The following BFSP1 variants were observed in gnomAD, a reference collection of about 807,000 sequenced individuals.
BFSP1 encodes the protein filensin.
Under a neutral mutation model 43.9 loss-of-function variants are expected in BFSP1, and 38 were observed. The ratio of observed to expected loss-of-function variants is 0.87; its 90% CI spans 0.67 to 1.14. The LOEUF (loss-of-function observed/expected upper bound fraction) is 1.14, where lower values mean the gene tolerates loss of function less well. Among genes scored for constraint, BFSP1 ranks in the 50% most tolerant of loss-of-function variants. The pLI, the probability that BFSP1 is intolerant of heterozygous loss-of-function variation, is 0.00. For missense variants in BFSP1, 850 were observed against 875.1 expected (o/e 0.97, Z 0.36); for synonymous variants, 352 against 354.8 (o/e 0.99, Z 0.09).
chr20:17,566,723 C>T (rs540759865), intron 1 of BFSP1, among the ~76,000 whole-genome samples: 2 of 152,178 alleles, frequency 1.3e-5, no homozygotes, highest in East Asian at 3.9e-4. Context: ...GGCACGATCT[C>T]AGCTCACTGC....
chr20:17,545,723 A>G (rs1209466826), intron 1 of BFSP1, among the ~76,000 whole-genome samples: 1 of 152,262 alleles, frequency 6.6e-6, no homozygotes, highest in African/African-American at 2.4e-5. Context: ...CCCAATACCA[A>G]TAACAAGATA....
In BFSP1 at chr20:17,493,966, G is replaced by T; in HGVS notation, c.*108C>A. 6.4e-6 allele frequency: 7 copies of T among 1,098,524 alleles called. No homozygotes were observed. The highest frequency in any genetic ancestry group is 7.9e-6 in the Non-Finnish European group (6 of 764,286). The allele number at this position is 1,098,524 out of a possible 1,614,324, so 68.0% of individuals were successfully genotyped here. On this transcript the variant is annotated 3_prime_UTR_variant, in exon 8 of 8. Coordinates refer to ENST00000377873, the MANE Select transcript of BFSP1 (RefSeq NM_001195.5). ...GGCAATGCCAGATGGGTCAACTATG[G>T]TCTAATCCAAACAGGAACCCTCACC... is the stretch of plus-strand genomic sequence containing the variant.
chr20:17,507,301 G>A lies in BFSP1; in HGVS notation c.735+1588C>T, dbSNP rs1346813136. On this transcript the variant is annotated intron_variant, in intron 5 of 7. Coordinates refer to ENST00000377873, the MANE Select transcript of BFSP1 (RefSeq NM_001195.5). This position sits in a 1 kb window ranked among gnomAD's most constrained non-coding sequence, Gnocchi z 4.4. ...TGTGTGTGTGTGTGTGTGTGTGTGT[G>A]TGTGTATTTCAACATATCCATATGG... Among the ~76,000 whole-genome samples the A allele has an allele frequency of 6.6e-6, 1 of 150,928 alleles. No homozygotes were observed. Among genetic ancestry groups the A allele is most frequent in the Non-Finnish European group, 1.5e-5 (1 of 67,952 alleles).
At chr20:17,567,338 C>T (rs2035130849) in intron 1 of BFSP1, among the ~76,000 whole-genome samples, 1 of 152,206 alleles carries the variant, frequency 6.6e-6, no homozygotes, top group South Asian at 2.1e-4. Context: ...CCAGTTCATA[C>T]ATACGCATCT....
chr20:17,557,559 C>T (rs531714042), intron 1 of BFSP1, among the ~76,000 whole-genome samples: 3 of 152,288 alleles, frequency 2.0e-5, no homozygotes, highest in Admixed American at 6.5e-5. Context: ...GGAGGGTTGC[C>T]GGCATGACCC....
chr20:17,531,883 A>G (rs2034551602), upstream of BFSP1, among the ~76,000 whole-genome samples: 1 of 149,390 alleles, frequency 6.7e-6, no homozygotes, highest in African/African-American at 2.5e-5. Flanking sequence ...ATTCTTTTTC[A>G]TAATCATAAC....
chr20:17,531,045 G>C lies in BFSP1; in HGVS notation c.285C>G (p.Asn95Lys). ...EDALARQVESNRQRVRDLEAE... is the reference protein window; with the variant it reads ...EDALARQVESKRQRVRDLEAE... ...CCTCCAGGTCCCGGACGCGCTGGCG[G>C]TTGCTCTCGACTTGGCGGGCGAGGG... Residue 95 changes from asparagine (N) to lysine (K), a missense_variant, in exon 1 of 8, where the codon AAC (asparagine) becomes AAG (lysine). Transcript: ENST00000377873. 1 of 1,420,578 alleles carries C rather than the reference G, an allele frequency of 7.0e-7. No homozygotes were observed. The highest frequency in any genetic ancestry group is 9.2e-7 in the Non-Finnish European group (1 of 1,090,568). The allele number at this position is 1,420,578 out of a possible 1,614,324, so 88.0% of individuals were successfully genotyped here. A position where few individuals can be genotyped will look rare whatever the true frequency, so the allele number is the denominator to read the frequency against.
In BFSP1 at chr20:17,515,041, C is replaced by T. The variant is rs79084462; in HGVS notation, c.439-225G>A. On this transcript the variant is annotated intron_variant, in intron 2 of 7. Coordinates refer to ENST00000377873, the MANE Select transcript of BFSP1 (RefSeq NM_001195.5). ...CTCAACAGAGGGTGATTTTGCCCCC[C>T]AAGGGGACATTTGGCAGTGTCTAGA... is the stretch of plus-strand genomic sequence containing the variant. 0.071 allele frequency among the ~76,000 whole-genome samples: 10,846 copies of T among 152,210 alleles called. 681 individuals are homozygous for T. The highest frequency in any genetic ancestry group is 0.16 in the African/African-American group (6,829 of 41,500).
intron 2 of BFSP1, among the ~76,000 whole-genome samples, chr20:17,524,553 G>A (rs2034379800): frequency 6.6e-6 from 1 of 152,206 alleles, no homozygotes; most frequent in Non-Finnish European, 1.5e-5. Context: ...GCATCAGTAT[G>A]TCTGACAAGT....
chr20:17,496,791 A>G (rs1600628610), intron 7 of BFSP1, 147 bp downstream of exon 7: 2 of 592,016 alleles, frequency 3.4e-6, no homozygotes, highest in Non-Finnish European at 5.3e-6. Context: ...CAGAGAGGGC[A>G]GAGGGTGGGA....
chr20:17,512,168 C>G, intron 3 of BFSP1, 100 bp from the exon 4 acceptor site: 1 of 896,980 alleles, frequency 1.1e-6, no homozygotes, highest in East Asian at 2.6e-5. Context: ...CGCACGCTCC[C>G]TCATCACAGA....
At chr20:17,556,584 G>A (rs185677667) in intron 1 of BFSP1, among the ~76,000 whole-genome samples, 36 of 152,130 alleles carry the variant, frequency 2.4e-4, no homozygotes, top group Admixed American at 7.2e-4. Flanking sequence ...TCTATCTATC[G>A]TGTGTGTAAA....
At chr20:17,506,052 G>A (rs1223588659) in intron 5 of BFSP1, among the ~76,000 whole-genome samples, 2 of 152,194 alleles carry the variant, frequency 1.3e-5, no homozygotes, top group South Asian at 2.1e-4. Flanking sequence ...TCAGAGAAAC[G>A]TGTAAGTCCA....
At chr20:17,558,446 C>T (rs1379086967) in intron 1 of BFSP1, among the ~76,000 whole-genome samples, 1 of 152,160 alleles carries the variant, frequency 6.6e-6, no homozygotes, top group Non-Finnish European at 1.5e-5. Context: ...TGGAGCCACA[C>T]TTTATTTACC....
chr20:17,559,363 C>T (rs187601163), upstream of BFSP1, among the ~76,000 whole-genome samples: 1 of 152,196 alleles, frequency 6.6e-6, no homozygotes, highest in African/African-American at 2.4e-5. Context: ...GGATACTTCA[C>T]GAATTGCTAA....
chr20:17,553,739 T>C (rs1170740296), intron 1 of BFSP1, among the ~76,000 whole-genome samples: 2 of 148,094 alleles, frequency 1.4e-5, no homozygotes, highest in Non-Finnish European at 3.0e-5. Flanking sequence ...CCAGTTAGAA[T>C]TGGGATCTTT....
chr20:17,501,336 G>A (rs560629522), intron 5 of BFSP1, among the ~76,000 whole-genome samples: 75 of 152,264 alleles, frequency 4.9e-4, no homozygotes, highest in African/African-American at 1.7e-3. Flanking sequence ...AGGCCAAGGC[G>A]GGCAGATCAC....
chr20:17,496,967 A>G lies in BFSP1; in HGVS notation c.1013T>C (p.Val338Ala), dbSNP rs2033647438. 1.3e-6 allele frequency: 2 copies of G among 1,543,570 alleles called. No individual in the cohort carries two copies. Among genetic ancestry groups the G allele is most frequent in the African/African-American group, 2.8e-5 (2 of 72,424 alleles). Residue 338 changes from valine to alanine, a missense_variant, in exon 7 of 8, where the codon GTC (valine) becomes GCC (alanine). Transcript: ENST00000377873. ...PIPLFTQSHG[V>A]SLSTGSGGKD... The stretch of plus-strand genomic sequence containing the variant: ...CCCACCGGATCCAGTGCTGAGAGAG[A>G]CTCCATGGCTCTGGGTGAACAGGGG...
At chr20:17,539,369 C>A (rs1004418281) in intron 1 of BFSP1, among the ~76,000 whole-genome samples, 2 of 151,888 alleles carry the variant, frequency 1.3e-5, no homozygotes, top group Non-Finnish European at 2.9e-5. Flanking sequence ...GACTCAGCCT[C>A]CCCAGGTATT....
Sources: allele counts gnomAD v4.1 joint callset (sites outside exome capture counted in the v4.1 genomes callset), GRCh38; gene constraint gnomAD v4.1.1; non-coding constraint Gnocchi (gnomAD v3.1); transcripts MANE v1.5; gene names NCBI Gene and HGNC (gene_info 2026-07-23, HGNC 2026-07-21).